Variants in ZNF350 observed in about 807,000 individuals in gnomAD.
ZNF350 encodes zinc finger protein 350.
Under a neutral mutation model 13.1 loss-of-function variants are expected in ZNF350, and 5 were observed. The observed-to-expected ratio is 0.38, with a 90% confidence interval of 0.20 to 0.80. The LOEUF (loss-of-function observed/expected upper bound fraction) is 0.80, where lower values mean the gene tolerates loss of function less well. Ranked by LOEUF, ZNF350 falls within the 30% of genes least tolerant of loss-of-function variation. The probability of loss-of-function intolerance (pLI) is 0.43; values close to 1 mark genes in which losing one functional copy is unlikely to be tolerated. For synonymous variants in ZNF350, 199 were observed against 224.2 expected (o/e 0.89, Z 1.00); for missense variants, 534 against 644.2 (o/e 0.83, Z 1.85).
chr19:51,964,950 T>G lies in ZNF350; in HGVS notation c.1503A>C (p.Arg501Ser), dbSNP rs2278415. 4.3e-6 allele frequency: 7 copies of G among 1,614,058 alleles called. No individual in the cohort carries two copies. The highest frequency in any genetic ancestry group is 5.9e-6 in the Non-Finnish European group (7 of 1,179,996). ...VVRCAASGDN[R>S]GFAQDRNLVN... Reference sequence around the variant, plus strand: ...CAAGGTTTCTGTCCTGTGCAAATCCTCTGTTATCTCCTGAGGCTGCACATC... The same window carrying G: ...CAAGGTTTCTGTCCTGTGCAAATCCGCTGTTATCTCCTGAGGCTGCACATC... Residue 501 changes from arginine (R) to serine (S), a missense_variant, in exon 5 of 5, where the codon AGA becomes AGC. Physicochemically the swap from Arg to Ser is moderately radical, Grantham distance 110. Transcript: ENST00000243644.
intron 1 of ZNF350, 159 bp downstream of exon 1, chr19:51,986,611 C>T (rs967366325): frequency 1.3e-5 from 2 of 152,902 alleles, no homozygotes; most frequent in African/African-American, 4.8e-5. Context: ...AGACTCCCAC[C>T]AGGTACCTCC....
At chr19:51,980,600 A>C (rs1437338588) in intron 1 of ZNF350, among the ~76,000 whole-genome samples, 2 of 152,242 alleles carry the variant, frequency 1.3e-5, no homozygotes, top group Admixed American at 1.3e-4. Context: ...TTGCAGTTGC[A>C]GCAGCAATTG....
intron 1 of ZNF350, among the ~76,000 whole-genome samples, chr19:51,983,230 C>A (rs112454236): frequency 0.051 from 7,750 of 152,214 alleles, 248 homozygotes; most frequent in Non-Finnish European, 0.062. Flanking sequence ...TCTCAAGTAC[C>A]CAGGGACACA....
rs2085508470 is a variant in ZNF350 at position 51,964,362 on chromosome 19, T to C, written c.*492A>G. On this transcript the variant is annotated 3_prime_UTR_variant, in exon 5 of 5. Transcript: ENST00000243644. ...AAATAATTTTAAAATATTTGTTTAA[T>C]GAAACAAATTGACTAGTTTCACAGA... 6.5e-6 allele frequency: 1 copy of C among 153,986 alleles called. No individual in the cohort carries two copies. Among genetic ancestry groups the C allele is most frequent in the Middle Eastern group, 3.4e-3 (1 of 298 alleles). The allele number at this position is 153,986 out of a possible 1,614,324, so 9.5% of individuals were successfully genotyped here. A position where few individuals can be genotyped will look rare whatever the true frequency, so the allele number is the denominator to read the frequency against.
At position 51,976,237 on chromosome 19, in the gene ZNF350, C is replaced by G. The variant is rs982227003; in HGVS notation, c.-171-1706G>C. On this transcript the variant is annotated intron_variant, in intron 1 of 4. Coordinates refer to ENST00000243644, the MANE Select transcript of ZNF350 (RefSeq NM_021632.4). This position sits in a 1 kb window ranked among gnomAD's most constrained non-coding sequence, Gnocchi z 4.5. The stretch of plus-strand genomic sequence containing the variant: ...CCGAGCAGCTGACCCCTTCTTCCAC[C>G]TCCCCTTCTCACTGTCTCTTTTGCC... Among the ~76,000 whole-genome samples, 1 of 152,200 alleles carries G rather than the reference C, an allele frequency of 6.6e-6. No individual in the cohort carries two copies. Among genetic ancestry groups the G allele is most frequent in the African/African-American group, 2.4e-5 (1 of 41,442 alleles).
chr19:51,978,651 G>A (rs2085956356), intron 1 of ZNF350, among the ~76,000 whole-genome samples: 1 of 152,104 alleles, frequency 6.6e-6, no homozygotes, highest in Non-Finnish European at 1.5e-5. Context: ...AATTTTATGG[G>A]CTTATGGACA....
At chr19:51,974,121 C>T in intron 2 of ZNF350, 6 of 430,828 alleles carry the variant, frequency 1.4e-5, no homozygotes, top group Non-Finnish European at 1.7e-5. Flanking sequence ...ATCCTCCAGC[C>T]ATGCATGGTG....
intron 1 of ZNF350, among the ~76,000 whole-genome samples, chr19:51,986,293 C>T (rs553823096): frequency 1.5e-3 from 235 of 152,236 alleles, no homozygotes; most frequent in Non-Finnish European, 2.7e-3. Flanking sequence ...CCCAGGGCTC[C>T]AAAGTCTCGA....
chr19:51,977,150 C>T (rs892941727), intron 1 of ZNF350, among the ~76,000 whole-genome samples: 29 of 152,084 alleles, frequency 1.9e-4, no homozygotes, highest in African/African-American at 6.5e-4. Context: ...GCTGGAGAGC[C>T]CTTAGGACAT....
At chr19:51,966,634 A>G (rs2085584015) in intron 4 of ZNF350, among the ~76,000 whole-genome samples, 1 of 148,022 alleles carries the variant, frequency 6.8e-6, no homozygotes, top group African/African-American at 2.5e-5. Context: ...TCACAGCCAA[A>G]GTATTTTTTG....
intron 1 of ZNF350, among the ~76,000 whole-genome samples, chr19:51,985,777 T>C (rs1002150904): frequency 6.6e-6 from 1 of 151,988 alleles, no homozygotes; most frequent in Non-Finnish European, 1.5e-5. Context: ...AAAGCCAAGG[T>C]GGGCGGATCA....
chr19:51,986,785 A>C lies in ZNF350; in HGVS notation c.-187T>G, dbSNP rs1034956456. On this transcript the variant is annotated 5_prime_UTR_variant, in exon 1 of 5. Transcript: ENST00000243644. Reference sequence around the variant, plus strand: ...ACACACTGACCTCTATTTTCTCCAGATACACAAGAAGGGCCTCAACGTTAC... The same window carrying C: ...ACACACTGACCTCTATTTTCTCCAGCTACACAAGAAGGGCCTCAACGTTAC... The C allele has an allele frequency of 7.2e-5, 11 of 152,216 alleles. No homozygotes were observed. The highest frequency in any genetic ancestry group is 2.4e-4 in the African/African-American group (10 of 41,412). 9.4% of individuals were successfully genotyped at this position (152,216 alleles called of 1,614,324 possible).
At chr19:51,985,764 T>C (rs1599963490) in intron 1 of ZNF350, among the ~76,000 whole-genome samples, 1 of 152,206 alleles carries the variant, frequency 6.6e-6, no homozygotes, top group African/African-American at 2.4e-5. Context: ...CCCAGCACTT[T>C]GGAAAGCCAA....
At chr19:51,966,655 T>TG (rs908822039) in intron 4 of ZNF350, among the ~76,000 whole-genome samples, 2 of 147,174 alleles carry the variant, frequency 1.4e-5, no homozygotes, top group East Asian at 1.9e-4. Flanking sequence ...TTGTTTTTTT[T>TG]TTGTTTTTTG....
In ZNF350 at chr19:51,974,340, A is replaced by G. The variant is rs761025891; in HGVS notation, c.15+6T>C. The G allele has an allele frequency of 6.2e-7, 1 of 1,613,840 alleles. No individual in the cohort carries two copies. The highest frequency in any genetic ancestry group is 1.1e-5 in the South Asian group (1 of 91,054). ...GAAAGAATAAAACAAACCAAAAGTC[A>G]GTTACCTGGGCCTGGATCATTTTCT... On this transcript the variant is annotated splice_donor_region_variant and intron_variant, in intron 2 of 4. Transcript: ENST00000243644.
In ZNF350 at chr19:51,964,855, T is replaced by C. The variant is rs780930100; in HGVS notation, c.1598A>G (p.Ter533TrpextTer16). 3.1e-6 allele frequency: 5 copies of C among 1,604,556 alleles called. No homozygotes were observed. Among genetic ancestry groups the C allele is most frequent in the Middle Eastern group, 1.7e-4 (1 of 6,020 alleles). The change falls in exon 5 of 5, where the codon TAG becomes TGG. Residue 533 changes from the stop codon to tryptophan (W), a stop_lost. Coordinates refer to ENST00000243644, the MANE Select transcript of ZNF350 (RefSeq NM_021632.4). ...YVLFYVTENP[*>W] is the part of the protein sequence containing the mutation. ...TCCACATAGATCTGAGTTTTCTTCC[T>C]ATGGGTTTTCTGTAACATAAAATAA...
intron 1 of ZNF350, among the ~76,000 whole-genome samples, chr19:51,986,299 C>T (rs1459880640): frequency 6.6e-6 from 1 of 152,256 alleles, no homozygotes; most frequent in African/African-American, 2.4e-5. Context: ...GCTCCAAAGT[C>T]TCGAAAGCTT....
At chr19:51,974,918 C>T (rs1228054410) in intron 1 of ZNF350, 1 of 152,426 alleles carries the variant, frequency 6.6e-6, no homozygotes, top group Non-Finnish European at 1.5e-5. Flanking sequence ...AGTCTTTGTA[C>T]ATACACCCTG....
At chr19:51,973,413 T>G (rs1296204580) in intron 2 of ZNF350, 2 of 152,162 alleles carry the variant, frequency 1.3e-5, no homozygotes, top group Non-Finnish European at 2.9e-5. Context: ...TCATAGTTCG[T>G]ATTTTTAGGC....
Sources: gnomAD v4.1 joint callset for allele counts (sites outside exome capture counted in the v4.1 genomes callset) on GRCh38, gnomAD v4.1.1 for gene constraint, Gnocchi (gnomAD v3.1) non-coding constraint, MANE v1.5 for transcripts, NCBI Gene and HGNC (gene_info 2026-07-23, HGNC 2026-07-21) for gene names.